Variants in DHX29 observed in about 807,000 individuals in gnomAD.
DHX29 encodes the protein ATP-dependent RNA helicase DHX29.
Under a neutral mutation model 167.9 loss-of-function variants are expected in DHX29, and 79 were observed. The observed-to-expected ratio is 0.47, with a 90% CI of 0.39 to 0.57. The LOEUF is 0.57. Ranked by LOEUF, DHX29 falls within the 20% of genes least tolerant of loss-of-function variation. The probability of loss-of-function intolerance (pLI) is 0.00; values close to 1 mark genes in which losing one functional copy is unlikely to be tolerated. For synonymous variants in DHX29, 530 were observed against 546.0 expected (o/e 0.97, Z 0.41); for missense variants, 1,347 against 1,593.4 (o/e 0.85, Z 2.63).
At chr5:55,296,378 C>G in intron 3 of DHX29, 29 bp from the exon 4 acceptor site, 1 of 1,594,852 alleles carries the variant, frequency 6.3e-7, no homozygotes, top group Non-Finnish European at 8.5e-7. Context: ...AAAAAAGTCA[C>G]ATTTGTCAAA....
chr5:55,295,970 A>G (rs1221726606), intron 4 of DHX29, among the ~76,000 whole-genome samples: 1 of 152,190 alleles, frequency 6.6e-6, no homozygotes, highest in Non-Finnish European at 1.5e-5. Context: ...GACATAGCTT[A>G]CTGAGAGGCA....
At chr5:55,304,829 G>A (rs961209769) in intron 1 of DHX29, among the ~76,000 whole-genome samples, 2 of 152,158 alleles carry the variant, frequency 1.3e-5, no homozygotes, top group Admixed American at 6.5e-5. Flanking sequence ...AAGGAGGGAC[G>A]GAAGTAGAGT....
chr5:55,274,940 G>A lies in DHX29; in HGVS notation c.2498C>T (p.Thr833Ile), dbSNP rs1366470025. 2 of 1,613,814 alleles carry A rather than the reference G, an allele frequency of 1.2e-6. No individual in the cohort carries two copies. The highest frequency in any genetic ancestry group is 2.2e-5 in the East Asian group (1 of 44,840). Residue 833 changes from threonine (T) to isoleucine (I), a missense_variant, in exon 15 of 27, where the codon ACT becomes ATT. By Grantham distance (89) the Thr-to-Ile change is moderately conservative. Coordinates refer to ENST00000251636, the MANE Select transcript of DHX29 (RefSeq NM_019030.4). ...ATTCATGTATAGAATAGCATGCTGA[G>A]TGCGGCTGCTGTACTTTTGGTAAAA... is the stretch of plus-strand genomic sequence containing the variant. ...NPFYQKYSSR[T>I]QHAILYMNPH...
intron 7 of DHX29, 33 bp from the exon 8 acceptor site, chr5:55,289,461 T>A (rs1254224468): frequency 6.8e-7 from 1 of 1,463,838 alleles, no homozygotes; most frequent in Non-Finnish European, 9.0e-7. Flanking sequence ...TTTAGTTTCA[T>A]GGTTTTAAAA....
chr5:55,283,177 T>G (rs1207153819), intron 11 of DHX29, 26 bp downstream of exon 11: 1 of 1,551,410 alleles, frequency 6.4e-7, no homozygotes, highest in Admixed American at 1.9e-5. Context: ...CATCATTCAC[T>G]GAGGTGGAGT....
At chr5:55,256,650 A>G (rs1288817546) in intron 26 of DHX29, 110 bp from the exon 27 acceptor site, 1 of 871,672 alleles carries the variant, frequency 1.1e-6, no homozygotes, top group African/African-American at 1.7e-5. Context: ...TTACATTAGA[A>G]TACAGAATTA....
intron 1 of DHX29, among the ~76,000 whole-genome samples, chr5:55,299,465 T>C (rs1226937191): frequency 6.6e-6 from 1 of 152,150 alleles, no homozygotes; most frequent in Admixed American, 6.5e-5. Flanking sequence ...CATAACAAAT[T>C]ACCACAAACT....
chr5:55,278,592 T>C (rs984647093), intron 12 of DHX29, among the ~76,000 whole-genome samples: 1 of 152,202 alleles, frequency 6.6e-6, no homozygotes, highest in African/African-American at 2.4e-5. Context: ...GAGTTTTCAG[T>C]GCAGTAAGAA....
At position 55,307,405 on chromosome 5, in the gene DHX29, C is replaced by A. The variant is rs1748931702; in HGVS notation, c.169G>T (p.Glu57Ter). 6.2e-7 allele frequency: 1 copy of A among 1,613,130 alleles called. No homozygotes were observed. Among genetic ancestry groups the A allele is most frequent in the Non-Finnish European group, 8.5e-7 (1 of 1,179,746 alleles). ...TAAAAAAGSREPRVKQGPKIY... is the reference protein window; with the variant it reads ...TAAAAAAGSR ...CTCGTACCTTGCTTGACACGGGGCT[C>A]CCTGGAGCCGGCAGCGGCAGCGGCA... The change falls in exon 1 of 27, where the codon GAG becomes TAG. Residue 57 changes from glutamate to a stop codon, truncating the protein, a stop_gained. Transcript: ENST00000251636. LOFTEE classifies it high-confidence loss of function.
At position 55,270,563 on chromosome 5, in the gene DHX29, A is replaced by G. The variant is rs1746803316; in HGVS notation, c.2993+15T>C. 1 of 1,613,986 alleles carries G rather than the reference A, an allele frequency of 6.2e-7. No individual in the cohort carries two copies. The highest frequency in any genetic ancestry group is 1.3e-5 in the African/African-American group (1 of 75,042). ...ACTGGTTTATGTGTTTTACATTTCC[A>G]GTGCTATGCCATACCTTTCTCTTGT... On this transcript the variant is annotated intron_variant, in intron 19 of 26. Coordinates refer to ENST00000251636, the MANE Select transcript of DHX29 (RefSeq NM_019030.4).
At chr5:55,275,661 A>G (rs1005454843) in intron 14 of DHX29, among the ~76,000 whole-genome samples, 3 of 152,150 alleles carry the variant, frequency 2.0e-5, no homozygotes, top group Admixed American at 2.0e-4. Flanking sequence ...TGTTTTTGTG[A>G]TATTTCTGAA....
At chr5:55,304,402 C>T (rs939501917) in intron 1 of DHX29, among the ~76,000 whole-genome samples, 1 of 151,112 alleles carries the variant, frequency 6.6e-6, no homozygotes, top group Non-Finnish European at 1.5e-5. Context: ...AGCTCCGCCT[C>T]CCGGGTTCAC....
intron 12 of DHX29, among the ~76,000 whole-genome samples, chr5:55,278,623 G>C (rs1288313913): frequency 2.6e-5 from 4 of 152,156 alleles, no homozygotes; most frequent in Non-Finnish European, 5.9e-5. Context: ...AGGATGGTTT[G>C]AAATTATATT....
intron 23 of DHX29, among the ~76,000 whole-genome samples, chr5:55,265,377 G>GA (rs77605415): frequency 1.1e-3 from 121 of 113,390 alleles, no homozygotes; most frequent in East Asian, 4.7e-3. Context: ...AAAGAAAAAA[G>GA]AAAAAAAAAA....
chr5:55,266,498 G>A (rs561776472), intron 23 of DHX29, among the ~76,000 whole-genome samples: 2 of 150,958 alleles, frequency 1.3e-5, no homozygotes, highest in Non-Finnish European at 3.0e-5. Flanking sequence ...TAGTAGAGAC[G>A]GGGTTTCTCC....
chr5:55,274,927 A>C lies in DHX29; in HGVS notation c.2511T>G (p.Ile837Met). 6.2e-7 allele frequency: 1 copy of C among 1,613,914 alleles called. No individual in the cohort carries two copies. The highest frequency in any genetic ancestry group is 8.5e-7 in the Non-Finnish European group (1 of 1,179,878). ...QKYSSRTQHA[I>M]LYMNPHKINL... ...TGATTTTATGAGGATTCATGTATAG[A>C]ATAGCATGCTGAGTGCGGCTGCTGT... The change falls in exon 15 of 27, where the codon ATT (isoleucine) becomes ATG (methionine). Residue 837 changes from isoleucine (I) to methionine (M), a missense_variant. Physicochemically the swap from Ile to Met is conservative, Grantham distance 10 (BLOSUM62 1). Transcript: ENST00000251636.
At chr5:55,293,131 T>C (rs1181295011) in intron 6 of DHX29, among the ~76,000 whole-genome samples, 1 of 152,234 alleles carries the variant, frequency 6.6e-6, no homozygotes, top group African/African-American at 2.4e-5. Flanking sequence ...TTTACACAAA[T>C]GAATTCATCA....
chr5:55,287,765 A>T (rs995579874), intron 8 of DHX29, among the ~76,000 whole-genome samples: 2 of 151,822 alleles, frequency 1.3e-5, no homozygotes, highest in South Asian at 4.2e-4. Flanking sequence ...CATGGCCAAC[A>T]TGGCAAAACC....
intron 5 of DHX29, chr5:55,294,803 C>A (rs1406370052): frequency 6.5e-6 from 1 of 152,698 alleles, no homozygotes; most frequent in Non-Finnish European, 1.5e-5. Flanking sequence ...GAATTACAGT[C>A]CCATTATTCA....
Sources: gnomAD v4.1 joint callset for allele counts (sites outside exome capture counted in the v4.1 genomes callset) on GRCh38, gnomAD v4.1.1 for gene constraint, MANE v1.5 for transcripts, NCBI Gene and HGNC (gene_info 2026-07-23, HGNC 2026-07-21) for gene names.